The following NPFFR2 variants were observed in gnomAD, a reference collection of about 807,000 sequenced individuals.
The protein encoded by NPFFR2 is neuropeptide FF receptor 2.
In NPFFR2, 15 loss-of-function variants were observed where a neutral mutation model predicts 13.1. That is an observed-to-expected ratio of 1.15 (90% CI 0.77 to 1.76). NPFFR2 has a LOEUF of 1.76. Ranked by LOEUF, NPFFR2 falls within the 40% of genes most tolerant of loss-of-function variation. The pLI, the probability that NPFFR2 is intolerant of heterozygous loss-of-function variation, is 0.00. For missense variants in NPFFR2, 572 were observed against 503.5 expected, an observed-to-expected ratio of 1.14 and a Z score of -1.30; for synonymous variants, 190 against 175.7, an observed-to-expected ratio of 1.08 and a Z score of -0.65.
chr4:72,088,225 G>T (rs1720820400), intron 1 of NPFFR2, among the ~76,000 whole-genome samples: 1 of 152,094 alleles, frequency 6.6e-6, no homozygotes, highest in Non-Finnish European at 1.5e-5. Context: ...GTTAGGTAAT[G>T]AATGGGTGAA....
intron 1 of NPFFR2, among the ~76,000 whole-genome samples, chr4:72,065,935 C>T (rs912048579): frequency 5.3e-5 from 8 of 152,172 alleles, no homozygotes; most frequent in Non-Finnish European, 8.8e-5. Flanking sequence ...CTCATGCAAG[C>T]CCCCTTACCC....
chr4:72,072,349 A>G (rs1362105858), intron 1 of NPFFR2, among the ~76,000 whole-genome samples: 2 of 152,132 alleles, frequency 1.3e-5, no homozygotes, highest in Admixed American at 6.6e-5. Context: ...TGAAAAAAAT[A>G]GAAACATAAA....
At chr4:72,126,573 C>G (rs1292226557) in intron 1 of NPFFR2, among the ~76,000 whole-genome samples, 1 of 152,218 alleles carries the variant, frequency 6.6e-6, no homozygotes, top group Non-Finnish European at 1.5e-5. Context: ...CACAGGTTTA[C>G]TTAAATGATG....
chr4:72,093,165 C>A (rs945786079), intron 1 of NPFFR2, among the ~76,000 whole-genome samples: 1 of 152,198 alleles, frequency 6.6e-6, no homozygotes, highest in Non-Finnish European at 1.5e-5. Flanking sequence ...GACCCCAACC[C>A]TTTTAGCTTG....
intron 1 of NPFFR2, among the ~76,000 whole-genome samples, chr4:72,117,425 C>T (rs867731445): frequency 6.6e-6 from 1 of 152,068 alleles, no homozygotes; most frequent in African/African-American, 2.4e-5. Flanking sequence ...TAGAGTTTGC[C>T]AGTTCTCATG....
At chr4:72,136,966 GAGATA>G (rs1462098098) in intron 2 of NPFFR2, among the ~76,000 whole-genome samples, 2 of 152,142 alleles carry the variant, frequency 1.3e-5, no homozygotes, top group Non-Finnish European at 2.9e-5. Flanking sequence ...TTGTGTGAGG[GAGATA>G]AGGTAAAATA....
At chr4:72,032,545 G>A (rs1718952888) in intron 1 of NPFFR2, among the ~76,000 whole-genome samples, 1 of 152,206 alleles carries the variant, frequency 6.6e-6, no homozygotes, top group African/African-American at 2.4e-5. Flanking sequence ...CGGGTCTGAA[G>A]CTAGCGAGTT....
chr4:72,076,586 A>T (rs1720442898), intron 1 of NPFFR2, among the ~76,000 whole-genome samples: 3 of 152,140 alleles, frequency 2.0e-5, no homozygotes, highest in Admixed American at 1.3e-4. Flanking sequence ...GATTCAGTGG[A>T]AAATAGAGGC....
At chr4:72,050,295 A>G (rs1719504946) in intron 1 of NPFFR2, among the ~76,000 whole-genome samples, 1 of 151,992 alleles carries the variant, frequency 6.6e-6, no homozygotes, top group Admixed American at 6.6e-5. Flanking sequence ...TATAAACCCA[A>G]ACTAATATTT....
At chr4:72,125,278 C>G (rs1213246565) in intron 1 of NPFFR2, among the ~76,000 whole-genome samples, 1 of 152,188 alleles carries the variant, frequency 6.6e-6, no homozygotes, top group African/African-American at 2.4e-5. Context: ...CAGGAAACAA[C>G]AGATGCTGGA....
chr4:72,139,875 T>A (rs1403095484), intron 3 of NPFFR2, among the ~76,000 whole-genome samples: 1 of 152,232 alleles, frequency 6.6e-6, no homozygotes, highest in Non-Finnish European at 1.5e-5. Context: ...CGATATTGAT[T>A]CTTTCTATCC....
chr4:72,140,384 G>A (rs984777971), intron 3 of NPFFR2, among the ~76,000 whole-genome samples: 6 of 152,100 alleles, frequency 3.9e-5, no homozygotes, highest in Non-Finnish European at 8.8e-5. Context: ...GTATAATGTT[G>A]GCTGTGGGTT....
At chr4:72,119,165 A>C (rs1348207993) in intron 1 of NPFFR2, among the ~76,000 whole-genome samples, 2 of 152,222 alleles carry the variant, frequency 1.3e-5, no homozygotes, top group African/African-American at 4.8e-5. Context: ...GAAAACAAAT[A>C]TATTGGGTTG....
intron 1 of NPFFR2, among the ~76,000 whole-genome samples, chr4:72,107,974 A>C (rs1721464847): frequency 6.6e-6 from 1 of 152,038 alleles, no homozygotes; most frequent in South Asian, 2.1e-4. Context: ...ACTTATTACC[A>C]CCATGCCTTA....
chr4:72,078,767 C>A (rs1452522094), intron 1 of NPFFR2, among the ~76,000 whole-genome samples: 1 of 151,980 alleles, frequency 6.6e-6, no homozygotes, highest in Non-Finnish European at 1.5e-5. Flanking sequence ...TACAAACATA[C>A]CCAAATTTTT....
chr4:72,053,583 T>C (rs1298142913), intron 1 of NPFFR2, among the ~76,000 whole-genome samples: 1 of 151,946 alleles, frequency 6.6e-6, no homozygotes, highest in Non-Finnish European at 1.5e-5. Context: ...AAAAATTTCT[T>C]CCAGGTTATC....
intron 1 of NPFFR2, among the ~76,000 whole-genome samples, chr4:72,074,152 G>A (rs6835178): frequency 0.9 from 136,552 of 151,806 alleles, 62,369 homozygotes; most frequent in Non-Finnish European, 0.98. Flanking sequence ...CTGCAATACT[G>A]TGACAAATAA....
At chr4:72,047,894 T>C (rs1719421927) in intron 1 of NPFFR2, among the ~76,000 whole-genome samples, 1 of 152,048 alleles carries the variant, frequency 6.6e-6, no homozygotes, top group Non-Finnish European at 1.5e-5. Context: ...CATCAAAATA[T>C]CAGCTTTATT....
intron 1 of NPFFR2, among the ~76,000 whole-genome samples, chr4:72,032,926 T>C (rs1718962756): frequency 6.6e-6 from 1 of 152,214 alleles, no homozygotes; most frequent in Non-Finnish European, 1.5e-5. Flanking sequence ...CCCTCAGCTA[T>C]AGTGTAGATA....
Sources: allele counts gnomAD v4.1 joint callset (sites outside exome capture counted in the v4.1 genomes callset), GRCh38; gene constraint gnomAD v4.1.1; transcripts MANE v1.5; gene names NCBI Gene and HGNC (gene_info 2026-07-23, HGNC 2026-07-21).